The following KCND2 variants were observed in gnomAD, a reference collection of about 807,000 sequenced individuals.
KCND2 encodes A-type voltage-gated potassium channel KCND2.
KCND2 carries 16 observed loss-of-function variants against 54.4 expected under a neutral mutation model. That is an observed-to-expected ratio of 0.29 (90% CI 0.20 to 0.45). The LOEUF (loss-of-function observed/expected upper bound fraction) is 0.45, where lower values mean the gene tolerates loss of function less well. KCND2 is among the 20% of genes least tolerant of loss of function. The pLI is 1.00. For missense variants in KCND2, 486 were observed against 824.2 expected (o/e 0.59, Z 5.02); for synonymous variants, 317 against 310.7 (o/e 1.02, Z -0.21).
chr7:120,661,493 AC>A (rs1791865432), intron 1 of KCND2, among the ~76,000 whole-genome samples: 1 of 152,076 alleles, frequency 6.6e-6, no homozygotes, highest in Non-Finnish European at 1.5e-5. Context: ...TACTAAAAAT[AC>A]AAAAAATTAG....
chr7:120,578,916 TCACACACACA>T (rs111758455), intron 1 of KCND2, among the ~76,000 whole-genome samples: 1 of 146,770 alleles, frequency 6.8e-6, no homozygotes, highest in Non-Finnish European at 1.5e-5. Flanking sequence ...AGACCCTGTC[TCACACACACA>T]CACACACACA....
intron 1 of KCND2, among the ~76,000 whole-genome samples, chr7:120,347,250 A>G (rs532454709): frequency 6.6e-6 from 1 of 152,254 alleles, no homozygotes; most frequent in East Asian, 1.9e-4. Context: ...TGTCATACCT[A>G]TAAGCAGGGT....
intron 1 of KCND2, among the ~76,000 whole-genome samples, chr7:120,330,844 G>T (rs1251632744): frequency 1.3e-5 from 2 of 152,048 alleles, no homozygotes; most frequent in Non-Finnish European, 2.9e-5. Context: ...TTCTAAAAAT[G>T]CATGGTGCTT....
chr7:120,422,174 A>G (rs1273660082), intron 1 of KCND2, among the ~76,000 whole-genome samples: 4 of 152,212 alleles, frequency 2.6e-5, no homozygotes, highest in South Asian at 4.1e-4. Context: ...CCTGCTTTCT[A>G]TAAGTTGTCT....
At chr7:120,622,361 T>C (rs1381404528) in intron 1 of KCND2, among the ~76,000 whole-genome samples, 1 of 152,148 alleles carries the variant, frequency 6.6e-6, no homozygotes, top group East Asian at 1.9e-4. Flanking sequence ...AGAGGGAGCC[T>C]ACTGCTGTTT....
intron 1 of KCND2, among the ~76,000 whole-genome samples, chr7:120,441,158 A>G (rs1181215698): frequency 1.3e-5 from 2 of 152,092 alleles, no homozygotes; most frequent in Non-Finnish European, 2.9e-5. Flanking sequence ...GTTTAAATTG[A>G]GCACCGTTCT....
intron 1 of KCND2, among the ~76,000 whole-genome samples, chr7:120,615,391 A>G (rs1793011052): frequency 6.6e-6 from 1 of 152,214 alleles, no homozygotes; most frequent in Non-Finnish European, 1.5e-5. Flanking sequence ...TGGTCTAATT[A>G]TAAGACAATT....
intron 1 of KCND2, among the ~76,000 whole-genome samples, chr7:120,480,550 A>G (rs535200062): frequency 2.0e-5 from 3 of 152,330 alleles, no homozygotes; most frequent in Non-Finnish European, 4.4e-5. Context: ...TGAAGACTCA[A>G]TGGATTAATC....
intron 1 of KCND2, among the ~76,000 whole-genome samples, chr7:120,450,026 TGAAGGAAGC>T: frequency 6.6e-6 from 1 of 152,340 alleles, no homozygotes; most frequent in Middle Eastern, 3.4e-3. Context: ...TTGACTCCAG[TGAAGGAAGC>T]ATTTAACTCT....
At chr7:120,512,596 T>C (rs1267430782) in intron 1 of KCND2, among the ~76,000 whole-genome samples, 1 of 152,026 alleles carries the variant, frequency 6.6e-6, no homozygotes, top group Non-Finnish European at 1.5e-5. Context: ...AGGCTCATTA[T>C]GAAGAGAAAT....
intron 1 of KCND2, among the ~76,000 whole-genome samples, chr7:120,601,462 G>GT (rs1562884909): frequency 6.7e-6 from 1 of 149,750 alleles, no homozygotes; most frequent in Non-Finnish European, 1.5e-5. Flanking sequence ...AATAGCATAA[G>GT]TAAGGCGTTT....
chr7:120,635,140 C>A (rs1047410528), intron 1 of KCND2, among the ~76,000 whole-genome samples: 4 of 152,212 alleles, frequency 2.6e-5, no homozygotes, highest in Non-Finnish European at 5.9e-5. Flanking sequence ...ATGACACTTA[C>A]ATTTCTTACT....
At chr7:120,700,114 A>T (rs541166193) in intron 1 of KCND2, among the ~76,000 whole-genome samples, 5 of 152,304 alleles carry the variant, frequency 3.3e-5, no homozygotes, top group African/African-American at 1.2e-4. Context: ...GTCAAGAAAA[A>T]AATAAATCAG....
intron 1 of KCND2, among the ~76,000 whole-genome samples, chr7:120,659,797 C>T (rs966683599): frequency 6.6e-6 from 1 of 152,088 alleles, no homozygotes; most frequent in African/African-American, 2.4e-5. Context: ...GCAGAACCTG[C>T]CTGTAGGAAA....
chr7:120,356,203 T>C (rs888847875), intron 1 of KCND2, among the ~76,000 whole-genome samples: 1 of 152,084 alleles, frequency 6.6e-6, no homozygotes, highest in Non-Finnish European at 1.5e-5. Context: ...AATGCTCTAA[T>C]GGAAAACTAC....
At chr7:120,415,233 C>T (rs1801508472) in intron 1 of KCND2, among the ~76,000 whole-genome samples, 1 of 152,106 alleles carries the variant, frequency 6.6e-6, no homozygotes, top group South Asian at 2.1e-4. Flanking sequence ...AACTCCAAGT[C>T]CCTATTACTC....
rs551570337 is a variant in KCND2, at chr7:120,743,799, T to A, written c.1467+1197T>A. On this transcript the variant is annotated intron_variant, in intron 4 of 5. Transcript: ENST00000331113. ...GCTGAAGGGAAAGGCAGTGTCCAGA[T>A]AATGTTAGGCTTTGCAGCCATGTGG... Among the ~76,000 whole-genome samples the A allele has an allele frequency of 3.4e-4, 52 of 152,338 alleles. 1 individual carries two copies. The South Asian group carries it at 0.011, about 32-fold the overall frequency.
chr7:120,737,071 C>CAA (rs1792881219), intron 2 of KCND2, among the ~76,000 whole-genome samples: 1 of 138,300 alleles, frequency 7.2e-6, no homozygotes, highest in African/African-American at 2.8e-5. Flanking sequence ...CACACACACA[C>CAA]ACACAAACAA....
chr7:120,294,463 T>C (rs1194390106), intron 1 of KCND2, among the ~76,000 whole-genome samples: 2 of 151,876 alleles, frequency 1.3e-5, no homozygotes, highest in African/African-American at 4.8e-5. Context: ...TATAATTAAT[T>C]GTATTTATTA....
Sources: allele counts gnomAD v4.1 joint callset (sites outside exome capture counted in the v4.1 genomes callset), GRCh38; gene constraint gnomAD v4.1.1; transcripts MANE v1.5; gene names NCBI Gene and HGNC (gene_info 2026-07-23, HGNC 2026-07-21).